SH2D6: variants seen among roughly 807,000 people sequenced by gnomAD.
The protein encoded by SH2D6 is SH2 domain containing 6, also known as SH2 domain-containing protein 6.
Under a neutral mutation model 30.2 loss-of-function variants are expected in SH2D6, and 31 were observed. The observed-to-expected ratio is 1.03, with a 90% CI of 0.77 to 1.38. SH2D6 has a LOEUF of 1.38. Among genes scored for constraint, SH2D6 ranks in the 40% most tolerant of loss-of-function variants. The probability of loss-of-function intolerance (pLI) is 0.00; values close to 1 mark genes in which losing one functional copy is unlikely to be tolerated. For synonymous variants in SH2D6, 93 were observed against 104.6 expected, an observed-to-expected ratio of 0.89 and a Z score of 0.68; for missense variants, 240 against 266.8, an observed-to-expected ratio of 0.90 and a Z score of 0.70.
Position 85,434,060 on chromosome 2 carries a change from T to A in SH2D6, c.482T>A (p.Phe161Tyr), listed in dbSNP as rs897648298. 1.3e-6 allele frequency: 2 copies of A among 1,550,588 alleles called. No homozygotes were observed. The highest frequency in any genetic ancestry group is 3.9e-5 in the Admixed American group (2 of 51,008). Residue 161 changes from phenylalanine (F) to tyrosine (Y), a missense_variant, in exon 17 of 24, where the codon TTC becomes TAC. Physicochemically the swap from Phe to Tyr is conservative, Grantham distance 22. Transcript: ENST00000469800. ...CTGGCTTTGACTCAGACTCTCAGCT[T>A]CCAAGTCCTGATGCCCTCAGGCCCT... Reference protein sequence around the residue: ...PVLALTQTLSFQVLMPSGPLP... With the variant: ...PVLALTQTLSYQVLMPSGPLP...
At chr2:85,432,792 T>C (rs1688910796) in intron 14 of SH2D6, among the ~76,000 whole-genome samples, 1 of 152,184 alleles carries the variant, frequency 6.6e-6, no homozygotes, top group South Asian at 2.1e-4. Context: ...CGCCTCAGCC[T>C]CCCAAAGTGC....
At chr2:85,425,955 C>T (rs1217980166) in intron 6 of SH2D6, among the ~76,000 whole-genome samples, 3 of 152,182 alleles carry the variant, frequency 2.0e-5, no homozygotes, top group Non-Finnish European at 4.4e-5. Context: ...GAAGGCCTCA[C>T]CTGGCTTCTG....
At chr2:85,432,997 G>C in intron 14 of SH2D6, 102 bp from the exon 15 acceptor site, 3 of 943,500 alleles carry the variant, frequency 3.2e-6, no homozygotes, top group Non-Finnish European at 2.5e-6. Context: ...TGTCCTCCTC[G>C]GAGGCACCCT....
chr2:85,427,818 AC>A (rs1265590141), intron 6 of SH2D6, among the ~76,000 whole-genome samples: 3 of 152,054 alleles, frequency 2.0e-5, no homozygotes, highest in Admixed American at 1.3e-4. Flanking sequence ...CTGTGAAGCC[AC>A]CCCAGTGACT....
chr2:85,434,985 G>A lies in SH2D6; in HGVS notation c.590-80G>A, dbSNP rs369937948. Reference sequence around the variant, plus strand: ...ACGCCTCCTCCTACCCCCCACCCCCGCAGCTGTCCCCTAGAAGCCACCTTT... The same window carrying A: ...ACGCCTCCTCCTACCCCCCACCCCCACAGCTGTCCCCTAGAAGCCACCTTT... On this transcript the variant is annotated intron_variant, in intron 19 of 23. Transcript: ENST00000469800. 6.6e-5 allele frequency: 81 copies of A among 1,232,742 alleles called. No individual in the cohort carries two copies. The African/African-American group carries it at 1.3e-3, about 20-fold the overall frequency. 76.4% of individuals were successfully genotyped at this position (1,232,742 alleles called of 1,614,324 possible).
At position 85,434,552 on chromosome 2, in the gene SH2D6, CAGTT is replaced by C. The variant is rs1573248469; in HGVS notation, c.589+57_589+60del. Reference sequence around the variant, plus strand: ...GTTATCCCAACTGATTGTTCACAGTCAGTTACAGATCAAACTCCTTGTTCTACCC... The same window carrying C: ...GTTATCCCAACTGATTGTTCACAGTCACAGATCAAACTCCTTGTTCTACCC... On this transcript the variant is annotated intron_variant, in intron 19 of 23. Coordinates refer to ENST00000469800, the MANE Select transcript of SH2D6 (RefSeq NM_001394463.1). The C allele has an allele frequency of 1.0e-5, 16 of 1,539,430 alleles. No homozygotes were observed. The East Asian group carries it at 3.7e-4, about 36-fold the overall frequency.
chr2:85,427,412 C>T (rs1315667077), intron 6 of SH2D6, among the ~76,000 whole-genome samples: 3 of 152,268 alleles, frequency 2.0e-5, no homozygotes, highest in Non-Finnish European at 4.4e-5. Context: ...GCCCTCTTTC[C>T]TTCCCCTTCT....
intron 6 of SH2D6, among the ~76,000 whole-genome samples, chr2:85,426,325 C>T (rs568338433): frequency 2.0e-5 from 3 of 152,216 alleles, no homozygotes; most frequent in Non-Finnish European, 4.4e-5. Flanking sequence ...TCATAACTCC[C>T]ACAGCCCTGT....
chr2:85,425,562 C>T (rs2104887621), intron 6 of SH2D6, among the ~76,000 whole-genome samples, 155 bp downstream of exon 6: 1 of 152,190 alleles, frequency 6.6e-6, no homozygotes, highest in Admixed American at 6.5e-5. Flanking sequence ...GCCACCACGC[C>T]CGGCCGGATT....
intron 5 of SH2D6, among the ~76,000 whole-genome samples, chr2:85,424,136 T>C (rs2104885091): frequency 6.6e-6 from 1 of 152,370 alleles, no homozygotes; most frequent in South Asian, 2.1e-4. Flanking sequence ...TAACCTCATG[T>C]TCAGAAAGTT....
At chr2:85,429,220 C>A (rs1188469342) in intron 7 of SH2D6, among the ~76,000 whole-genome samples, 152 bp from the exon 8 acceptor site, 4 of 152,228 alleles carry the variant, frequency 2.6e-5, no homozygotes, top group Non-Finnish European at 5.9e-5. Context: ...CAGCTTGGCT[C>A]TTCCTCTTAT....
intron 5 of SH2D6, among the ~76,000 whole-genome samples, chr2:85,423,344 G>C (rs1436026707): frequency 1.3e-5 from 2 of 152,114 alleles, no homozygotes; most frequent in Admixed American, 1.3e-4. Flanking sequence ...TGATTCTCCT[G>C]TCTCAGCCTC....
chr2:85,421,041 C>G (rs1687730972), intron 2 of SH2D6, among the ~76,000 whole-genome samples: 1 of 152,240 alleles, frequency 6.6e-6, no homozygotes, highest in Non-Finnish European at 1.5e-5. Flanking sequence ...TTGGAGACGT[C>G]GGGGAGCCAC....
At chr2:85,433,996 TGCTCAGCCGA>T (rs1238647307) in intron 16 of SH2D6, 27 bp from the exon 17 acceptor site, 2 of 1,522,468 alleles carry the variant, frequency 1.3e-6, no homozygotes, top group Non-Finnish European at 1.8e-6. Context: ...CCCTGCCTGG[TGCTCAGCCGA>T]GCCCAGCCTG....
In SH2D6 at chr2:85,434,331, T is replaced by TTCCCACAGGCC. The variant is rs1689133683; in HGVS notation, c.534-7_537dup. On this transcript the variant is annotated splice_polypyrimidine_tract_variant and intron_variant, in intron 17 of 23. Coordinates refer to ENST00000469800, the MANE Select transcript of SH2D6 (RefSeq NM_001394463.1). ...CCCTGAGTTCTGTCCCCCGATTTGCTTCCCACAGGCCTACCACAGCCCCCC... is the reference window on the plus strand; with the variant it reads ...CCCTGAGTTCTGTCCCCCGATTTGCTTCCCACAGGCCTCCCACAGGCCTACCACAGCCCCCC... 2 of 1,542,718 alleles carry TTCCCACAGGCC rather than the reference T, an allele frequency of 1.3e-6. No individual in the cohort carries two copies. Among genetic ancestry groups the TTCCCACAGGCC allele is most frequent in the Admixed American group, 2.0e-5 (1 of 50,182 alleles).
At chr2:85,434,822 A>C in intron 19 of SH2D6, 1 of 1,464,006 alleles carries the variant, frequency 6.8e-7, no homozygotes, top group Non-Finnish European at 9.0e-7. Flanking sequence ...GCACCAAATC[A>C]GGAAGCTCCT....
rs142759989 is a variant in SH2D6, at chr2:85,435,502, C to T, written c.732+6C>T. The T allele has an allele frequency of 9.8e-3, 15,734 of 1,612,716 alleles. 122 individuals are homozygous for T. The highest frequency in any genetic ancestry group is 0.012 in the Non-Finnish European group (13,946 of 1,179,508). ...CCCTGCTCCACTTACAAAAGGTGGGCAGCCACGGACCCCGGGTCTTCTCCA... is the reference window on the plus strand; with the variant it reads ...CCCTGCTCCACTTACAAAAGGTGGGTAGCCACGGACCCCGGGTCTTCTCCA... On this transcript the variant is annotated splice_donor_region_variant and intron_variant, in intron 21 of 23. Coordinates refer to ENST00000469800, the MANE Select transcript of SH2D6 (RefSeq NM_001394463.1).
In SH2D6 at chr2:85,428,711, A is replaced by T. The variant is rs534143690; in HGVS notation, c.-95+14A>T. 6.6e-6 allele frequency: 1 copy of T among 152,290 alleles called. No homozygotes were observed. The highest frequency in any genetic ancestry group is 6.5e-5 in the Admixed American group (1 of 15,300). The allele number at this position is 152,290 out of a possible 1,614,324, so 9.4% of individuals were successfully genotyped here. On this transcript the variant is annotated intron_variant, in intron 7 of 23. Coordinates refer to ENST00000469800, the MANE Select transcript of SH2D6 (RefSeq NM_001394463.1). ...AGCTCCAGAACAGTGAGAAAATGACATTTCTGTTGCTTAAGCCACACAGTT... is the reference window on the plus strand; with the variant it reads ...AGCTCCAGAACAGTGAGAAAATGACTTTTCTGTTGCTTAAGCCACACAGTT...
At chr2:85,436,068 G>T (rs752717132) in intron 22 of SH2D6, among the ~76,000 whole-genome samples, 1 of 152,126 alleles carries the variant, frequency 6.6e-6, no homozygotes, top group African/African-American at 2.4e-5. Flanking sequence ...AATGAACCCA[G>T]CTGGGAGGAG....
Sources: gnomAD v4.1 joint callset for allele counts (sites outside exome capture counted in the v4.1 genomes callset) on GRCh38, gnomAD v4.1.1 for gene constraint, MANE v1.5 for transcripts, NCBI Gene and HGNC (gene_info 2026-07-23, HGNC 2026-07-21) for gene names.